Variants in MINDY3 observed in about 807,000 individuals in gnomAD.
MINDY3 encodes the protein ubiquitin carboxyl-terminal hydrolase MINDY-3.
MINDY3 carries 38 observed loss-of-function variants against 69.2 expected under a neutral mutation model. The observed-to-expected ratio is 0.55, with a 90% confidence interval of 0.42 to 0.72. The LOEUF is 0.72. MINDY3 is among the 30% of genes least tolerant of loss of function. The pLI is 0.00. For synonymous variants in MINDY3, 192 were observed against 180.1 expected (o/e 1.07, Z -0.53); for missense variants, 522 against 519.0 (o/e 1.01, Z -0.06).
At chr10:15,838,706 CAT>C (rs977173142) in intron 4 of MINDY3, among the ~76,000 whole-genome samples, 30 of 151,652 alleles carry the variant, frequency 2.0e-4, no homozygotes, top group African/African-American at 7.0e-4. Flanking sequence ...ATTAAACAAA[CAT>C]GTATAAAAAG....
At chr10:15,833,217 T>G (rs909298777) in intron 8 of MINDY3, among the ~76,000 whole-genome samples, 2 of 152,212 alleles carry the variant, frequency 1.3e-5, no homozygotes, top group African/African-American at 4.8e-5. Context: ...CTCGGTGTTT[T>G]AAAGTACGCA....
chr10:15,815,664 A>AATGATG (rs953201613), intron 10 of MINDY3, among the ~76,000 whole-genome samples: 164 of 152,124 alleles, frequency 1.1e-3, no homozygotes, highest in African/African-American at 2.6e-3. Flanking sequence ...GAATACTAAA[A>AATGATG]ATGATGATGA....
At chr10:15,847,735 A>G in intron 2 of MINDY3, 129 bp downstream of exon 2, 1 of 557,440 alleles carries the variant, frequency 1.8e-6, no homozygotes, top group Non-Finnish European at 3.2e-6. Flanking sequence ...TGTAATTTAC[A>G]TGAGCAAAAG....
intron 8 of MINDY3, among the ~76,000 whole-genome samples, chr10:15,828,577 G>GT (rs1840249820): frequency 8.6e-6 from 1 of 116,176 alleles, no homozygotes; most frequent in South Asian, 2.5e-4. Flanking sequence ...AAAGCTATAA[G>GT]TAAAAAAAAA....
In MINDY3 at chr10:15,841,652, TTC is replaced by T. The variant is rs377754195; in HGVS notation, c.236-55_236-54del. Reference sequence around the variant, plus strand: ...ATGGTTTCCTCTGGAAAAAAAAAAATTCTGTCATGAATAACAATAGTAAGAAT... The same window carrying T: ...ATGGTTTCCTCTGGAAAAAAAAAAATTGTCATGAATAACAATAGTAAGAAT... On this transcript the variant is annotated intron_variant, in intron 3 of 14. Coordinates refer to ENST00000277632, the MANE Select transcript of MINDY3 (RefSeq NM_024948.4). 1.2e-4 allele frequency: 148 copies of T among 1,193,204 alleles called. No homozygotes were observed. In the African/African-American group the frequency reaches 2.0e-3, roughly 16 times the overall value. The allele number at this position is 1,193,204 out of a possible 1,614,324, so 73.9% of individuals were successfully genotyped here.
chr10:15,856,568 C>G (rs144259156), intron 1 of MINDY3, among the ~76,000 whole-genome samples: 1 of 152,048 alleles, frequency 6.6e-6, no homozygotes, highest in Admixed American at 6.6e-5. Context: ...CTCCCTCAGG[C>G]GTCAGCAAAC....
At chr10:15,842,324 A>T (rs1306468137) in intron 3 of MINDY3, among the ~76,000 whole-genome samples, 2 of 151,886 alleles carry the variant, frequency 1.3e-5, no homozygotes, top group Non-Finnish European at 2.9e-5. Context: ...TATGCTGTTC[A>T]CTTTCTAATC....
intron 1 of MINDY3, among the ~76,000 whole-genome samples, chr10:15,857,265 C>T (rs548846559): frequency 2.1e-4 from 32 of 152,106 alleles, no homozygotes; most frequent in African/African-American, 7.5e-4. Context: ...CTCTTTCTTC[C>T]GACTTCTGCA....
intron 10 of MINDY3, among the ~76,000 whole-genome samples, chr10:15,797,641 G>A (rs1035312955): frequency 6.6e-5 from 10 of 152,082 alleles, no homozygotes; most frequent in Non-Finnish European, 8.8e-5. Flanking sequence ...GAGTGGGATG[G>A]CTGGGTCAAA....
intron 12 of MINDY3, among the ~76,000 whole-genome samples, chr10:15,787,877 A>G (rs1837094033): frequency 6.6e-6 from 1 of 152,156 alleles, no homozygotes; most frequent in African/African-American, 2.4e-5. Context: ...AGGATGGCCC[A>G]GTTATTTCAT....
chr10:15,824,531 A>C (rs957283548), intron 8 of MINDY3, among the ~76,000 whole-genome samples: 1 of 152,212 alleles, frequency 6.6e-6, no homozygotes, highest in Non-Finnish European at 1.5e-5. Context: ...TTCAGGTTAA[A>C]GCAAAACAAG....
chr10:15,821,004 T>C (rs1445618163), intron 9 of MINDY3, among the ~76,000 whole-genome samples: 2 of 152,196 alleles, frequency 1.3e-5, no homozygotes, highest in Non-Finnish European at 1.5e-5. Context: ...TCCCAAATCA[T>C]GACATCTTAC....
intron 8 of MINDY3, among the ~76,000 whole-genome samples, chr10:15,822,923 T>C (rs562800330): frequency 6.6e-6 from 1 of 152,322 alleles, no homozygotes; most frequent in Admixed American, 6.5e-5. Context: ...ATAATATATC[T>C]AAAAAGCATT....
chr10:15,848,633 C>CAAAAAAAAAAAAAAAAAAAAAAAAAAA (rs10719399), intron 1 of MINDY3, among the ~76,000 whole-genome samples: 4 of 48,798 alleles, frequency 8.2e-5, no homozygotes, highest in African/African-American at 2.8e-4. Context: ...GACTTCATCT[C>CAAAAAAAAAAAAAAAAAAAAAAAAAAA]AAAAAAAAAA....
chr10:15,798,103 G>C (rs140176345), intron 10 of MINDY3, among the ~76,000 whole-genome samples: 12 of 151,802 alleles, frequency 7.9e-5, no homozygotes, highest in Middle Eastern at 3.2e-3. Context: ...CTTTTTTTGC[G>C]GTCACCAATG....
chr10:15,821,804 A>G, intron 8 of MINDY3, 78 bp from the exon 9 acceptor site: 1 of 1,098,994 alleles, frequency 9.1e-7, no homozygotes. Context: ...ACGTACTTAT[A>G]TGTATATATA....
At chr10:15,858,717 T>A (rs1006293930) in intron 1 of MINDY3, among the ~76,000 whole-genome samples, 1 of 152,212 alleles carries the variant, frequency 6.6e-6, no homozygotes, top group East Asian at 1.9e-4. Context: ...GTATTTGCAT[T>A]ACAGTATAAA....
At chr10:15,797,105 A>T (rs934487288) in intron 10 of MINDY3, among the ~76,000 whole-genome samples, 1 of 152,060 alleles carries the variant, frequency 6.6e-6, no homozygotes. Context: ...TTTGCAAGAA[A>T]TGTACTTCTT....
At chr10:15,816,056 A>G (rs925949449) in intron 10 of MINDY3, among the ~76,000 whole-genome samples, 2 of 152,146 alleles carry the variant, frequency 1.3e-5, no homozygotes, top group Non-Finnish European at 2.9e-5. Context: ...ACTTGAGGTT[A>G]GGAGTTTGAG....
Sources: allele counts gnomAD v4.1 joint callset (sites outside exome capture counted in the v4.1 genomes callset), GRCh38; gene constraint gnomAD v4.1.1; transcripts MANE v1.5; gene names NCBI Gene and HGNC (gene_info 2026-07-23, HGNC 2026-07-21).